PLXNA4: variants seen among roughly 807,000 people sequenced by gnomAD.
The protein encoded by PLXNA4 is plexin-A4.
Under a neutral mutation model 191.8 loss-of-function variants are expected in PLXNA4, and 44 were observed. That is an observed-to-expected ratio of 0.23 (90% CI 0.18 to 0.29). PLXNA4 has a LOEUF of 0.29. Ranked by LOEUF, PLXNA4 falls within the 10% of genes least tolerant of loss-of-function variation. The probability of loss-of-function intolerance (pLI) is 1.00; values close to 1 mark genes in which losing one functional copy is unlikely to be tolerated. For missense variants in PLXNA4, 1,800 were observed against 2,488.8 expected, an observed-to-expected ratio of 0.72 and a Z score of 5.89; for synonymous variants, 1,082 against 1,009.5, an observed-to-expected ratio of 1.07 and a Z score of -1.36.
At chr7:132,643,910 C>G (rs1342884102) in intron 2 of PLXNA4, among the ~76,000 whole-genome samples, 3 of 151,788 alleles carry the variant, frequency 2.0e-5, no homozygotes, top group Non-Finnish European at 4.4e-5. Context: ...TAAGATCGCA[C>G]CACTACACTC....
At chr7:132,312,283 G>GTTATTACAA in intron 3 of PLXNA4, among the ~76,000 whole-genome samples, 1 of 152,236 alleles carries the variant, frequency 6.6e-6, no homozygotes, top group East Asian at 1.9e-4. Context: ...ACTGGCCACA[G>GTTATTACAA]TTATTACAAT....
intron 3 of PLXNA4, among the ~76,000 whole-genome samples, chr7:132,344,174 C>T (rs189018586): frequency 2.0e-5 from 3 of 152,300 alleles, no homozygotes; most frequent in Non-Finnish European, 4.4e-5. Context: ...ATGAGCTCAC[C>T]TTGACTGTCC....
In PLXNA4 at chr7:132,509,201, C is replaced by T. The variant is rs114554734; in HGVS notation, c.-86-422G>A. ...GGAGGGAGGGAGGAAGGGCAGGAGG[C>T]GGGGCTGCCTGCACTGGCTGCAAGC... On this transcript the variant is annotated intron_variant, in intron 1 of 31. Transcript: ENST00000321063. Among the ~76,000 whole-genome samples the T allele has an allele frequency of 9.9e-3, 1,511 of 151,936 alleles. 24 individuals are homozygous for T. The highest frequency in any genetic ancestry group is 0.035 in the African/African-American group (1,428 of 41,358).
intron 3 of PLXNA4, among the ~76,000 whole-genome samples, chr7:132,391,328 T>C (rs1244981939): frequency 6.6e-6 from 1 of 152,240 alleles, no homozygotes; most frequent in Admixed American, 6.5e-5. Flanking sequence ...TCCCCCATAG[T>C]GACTGGCAAA....
chr7:132,304,316 C>A (rs1333978107), intron 3 of PLXNA4, among the ~76,000 whole-genome samples: 5 of 152,050 alleles, frequency 3.3e-5, no homozygotes, highest in African/African-American at 7.2e-5. Context: ...CCTCAGCCCC[C>A]GTAGATAGTT....
chr7:132,227,475 C>G lies in PLXNA4; in HGVS notation c.1858G>C (p.Val620Leu). ...CCATTCTCTGTGATGATCCGGGGCA[C>G]CTCCTTGGCTGCAGGGGAGTAGCAC... is the stretch of plus-strand genomic sequence containing the variant. ...IQCYSPAAKE[V>L]PRIITENGDH... is the part of the protein sequence containing the mutation. Residue 620 changes from valine to leucine, a missense_variant, in exon 7 of 32, where the codon GTG (valine) becomes CTG (leucine). Val to Leu is a conservative substitution (Grantham distance 32, BLOSUM62 1). Coordinates refer to ENST00000321063, the MANE Select transcript of PLXNA4 (RefSeq NM_020911.2). 6.2e-7 allele frequency: 1 copy of G among 1,614,202 alleles called. No homozygotes were observed. Among genetic ancestry groups the G allele is most frequent in the South Asian group, 1.1e-5 (1 of 91,080 alleles).
intron 4 of PLXNA4, among the ~76,000 whole-genome samples, chr7:132,290,628 A>G (rs1259861151): frequency 6.6e-6 from 1 of 152,236 alleles, no homozygotes; most frequent in Non-Finnish European, 1.5e-5. Flanking sequence ...TAACAGAGAC[A>G]CACAGACAGG....
intron 2 of PLXNA4, among the ~76,000 whole-genome samples, chr7:132,582,876 T>C (rs1802431050): frequency 6.6e-6 from 1 of 152,118 alleles, no homozygotes; most frequent in African/African-American, 2.4e-5. Context: ...AAGGACAAAG[T>C]GGGGCATGCT....
rs1258606435 is a variant in PLXNA4 at position 132,576,248 on chromosome 7, G to T, written c.-87+174C>A. Among the ~76,000 whole-genome samples the T allele has an allele frequency of 1.3e-5, 2 of 152,216 alleles. No individual in the cohort carries two copies. The highest frequency in any genetic ancestry group is 4.8e-5 in the African/African-American group (2 of 41,462). ...GCGTCCAGGTGGGACGTGGGCAGGTGCGCGAGCGCCGTGTGTGCCGGTGTG... is the reference window on the plus strand; with the variant it reads ...GCGTCCAGGTGGGACGTGGGCAGGTTCGCGAGCGCCGTGTGTGCCGGTGTG... On this transcript the variant is annotated intron_variant, in intron 1 of 31. Coordinates refer to ENST00000321063, the MANE Select transcript of PLXNA4 (RefSeq NM_020911.2). The surrounding 1 kb of genome is among the most constrained non-coding windows in gnomAD (Gnocchi z 5.8).
At chr7:132,359,508 T>G (rs1384451729) in intron 3 of PLXNA4, among the ~76,000 whole-genome samples, 1 of 152,178 alleles carries the variant, frequency 6.6e-6, no homozygotes, top group Non-Finnish European at 1.5e-5. Flanking sequence ...TGAGCTACCG[T>G]GCCTGGCTGT....
Position 132,594,976 on chromosome 7 carries a change from AATAGATAGATAG to A in PLXNA4, c.-87+50940_-87+50951del, listed in dbSNP as rs376281990. On this transcript the variant is annotated intron_variant, in intron 2 of 4. Transcript: ENST00000378539. ...ATAGATAGATAGATAATTGATAGAT[AATAGATAGATAG>A]ATAGATAGATAGATAGATAGATAGA... Among the ~76,000 whole-genome samples, 121 of 109,626 alleles carry A rather than the reference AATAGATAGATAG, an allele frequency of 1.1e-3. 2 individuals are homozygous for A. The highest frequency in any genetic ancestry group is 4.7e-3 in the East Asian group (18 of 3,810). 71.9% of individuals were successfully genotyped at this position (109,626 alleles called of 152,430 possible).
At chr7:132,275,277 A>G (rs1162279884) in intron 4 of PLXNA4, among the ~76,000 whole-genome samples, 1 of 152,158 alleles carries the variant, frequency 6.6e-6, no homozygotes, top group Non-Finnish European at 1.5e-5. Context: ...TAGTAAAGAG[A>G]TGTTCCATGT....
intron 2 of PLXNA4, among the ~76,000 whole-genome samples, chr7:132,588,261 A>G (rs1378357237): frequency 6.6e-6 from 1 of 151,972 alleles, no homozygotes; most frequent in Non-Finnish European, 1.5e-5. Context: ...AAAAATAATT[A>G]CTGCTTTTTC....
At chr7:132,204,641 G>A (rs568985819) in intron 10 of PLXNA4, among the ~76,000 whole-genome samples, 11 of 152,252 alleles carry the variant, frequency 7.2e-5, no homozygotes, top group African/African-American at 2.4e-4. Flanking sequence ...CTGAGGCTCC[G>A]TCCTCCAAGT....
chr7:132,463,475 T>C (rs747981165), intron 3 of PLXNA4, among the ~76,000 whole-genome samples: 17 of 152,176 alleles, frequency 1.1e-4, no homozygotes, highest in Non-Finnish European at 1.8e-4. Flanking sequence ...ATGTAAGTAT[T>C]TTTAGCCCAT....
intron 3 of PLXNA4, among the ~76,000 whole-genome samples, chr7:132,449,921 A>C (rs1165325635): frequency 6.6e-6 from 1 of 152,200 alleles, no homozygotes; most frequent in Non-Finnish European, 1.5e-5. Context: ...TTTACAGACA[A>C]ACTTACAGAG....
intron 4 of PLXNA4, among the ~76,000 whole-genome samples, chr7:132,291,371 G>C (rs1356739859): frequency 6.6e-6 from 1 of 152,064 alleles, no homozygotes; most frequent in African/African-American, 2.4e-5. Context: ...TTTTCACTCT[G>C]TTCACTATTA....
intron 1 of PLXNA4, among the ~76,000 whole-genome samples, chr7:132,646,195 C>T (rs1475518780): frequency 6.6e-6 from 1 of 152,130 alleles, no homozygotes; most frequent in African/African-American, 2.4e-5. Context: ...ACTAATCTCC[C>T]CTCTGTCAGT....
At chr7:132,457,159 G>A (rs554078901) in intron 3 of PLXNA4, among the ~76,000 whole-genome samples, 5 of 152,112 alleles carry the variant, frequency 3.3e-5, no homozygotes, top group African/African-American at 9.7e-5. Context: ...AACATGTTAC[G>A]TGTAACCATG....
Sources: gnomAD v4.1 joint callset for allele counts (sites outside exome capture counted in the v4.1 genomes callset) on GRCh38, gnomAD v4.1.1 for gene constraint, Gnocchi (gnomAD v3.1) non-coding constraint, MANE v1.5 for transcripts, NCBI Gene and HGNC (gene_info 2026-07-23, HGNC 2026-07-21) for gene names.